Variants in RBFOX1 observed in about 807,000 individuals in gnomAD.
RBFOX1 encodes the protein RNA binding fox-1 homolog 1.
Under a neutral mutation model 57.7 loss-of-function variants are expected in RBFOX1, and 8 were observed. The observed-to-expected ratio is 0.14, with a 90% CI of 0.08 to 0.25. The LOEUF is 0.25. Ranked by LOEUF, RBFOX1 falls within the 10% of genes least tolerant of loss-of-function variation. The pLI, the probability that RBFOX1 is intolerant of heterozygous loss-of-function variation, is 1.00. For missense variants in RBFOX1, 611 were observed against 548.5 expected (o/e 1.11, Z -1.14); for synonymous variants, 326 against 222.4 (o/e 1.47, Z -4.15).
intron 1 of RBFOX1, among the ~76,000 whole-genome samples, chr16:6,042,308 C>T (rs1446426062): frequency 6.6e-6 from 1 of 151,936 alleles, no homozygotes; most frequent in Non-Finnish European, 1.5e-5. Context: ...ACCGTGTTGG[C>T]CAGGATGGTC....
chr16:6,647,538 A>G (rs1360165284), intron 2 of RBFOX1, among the ~76,000 whole-genome samples: 1 of 152,078 alleles, frequency 6.6e-6, no homozygotes, highest in Non-Finnish European at 1.5e-5. Context: ...GTGAGCCACC[A>G]CACCCAGCCA....
chr16:7,513,584 C>G (rs1600543543), intron 4 of RBFOX1, among the ~76,000 whole-genome samples: 2 of 152,126 alleles, frequency 1.3e-5, no homozygotes, highest in East Asian at 3.9e-4. Context: ...CATTCCTGGC[C>G]TCCACCCACT....
At chr16:6,908,456 C>G (rs550680009) in intron 3 of RBFOX1, among the ~76,000 whole-genome samples, 1 of 152,138 alleles carries the variant, frequency 6.6e-6, no homozygotes, top group Non-Finnish European at 1.5e-5. Context: ...GTGACCTCTT[C>G]TAGACTTTCT....
At chr16:5,413,703 A>C (rs530907591) in intron 1 of RBFOX1, among the ~76,000 whole-genome samples, 101 of 152,324 alleles carry the variant, frequency 6.6e-4, no homozygotes, top group African/African-American at 2.1e-3. Context: ...TCAACAATTA[A>C]AGCAAGTCTC....
At chr16:6,696,689 G>T (rs943029128) in intron 3 of RBFOX1, among the ~76,000 whole-genome samples, 1 of 39,724 alleles carries the variant, frequency 2.5e-5, no homozygotes, top group Non-Finnish European at 9.5e-5. Flanking sequence ...ATATCTCAAA[G>T]GAGATTTTTT....
intron 14 of RBFOX1, among the ~76,000 whole-genome samples, chr16:7,699,820 T>C (rs1245145130): frequency 1.3e-5 from 2 of 152,134 alleles, no homozygotes; most frequent in Non-Finnish European, 2.9e-5. Context: ...TTTCTCTCAA[T>C]CCCATTTTAG....
intron 4 of RBFOX1, 79 bp from the exon 5 acceptor site, chr16:7,518,068 C>G: frequency 6.6e-7 from 1 of 1,521,116 alleles, no homozygotes; most frequent in Non-Finnish European, 8.9e-7. Flanking sequence ...CACGATCGTC[C>G]TGGGATCTGG....
chr16:6,846,892 A>C (rs113861738), intron 3 of RBFOX1, among the ~76,000 whole-genome samples: 2,890 of 151,694 alleles, frequency 0.019, 82 homozygotes, highest in African/African-American at 0.066. Flanking sequence ...TACAAAGGGA[A>C]AGACTGCCTC....
At chr16:6,108,440 G>A (rs2096407708) in intron 1 of RBFOX1, among the ~76,000 whole-genome samples, 1 of 152,166 alleles carries the variant, frequency 6.6e-6, no homozygotes, top group Admixed American at 6.5e-5. Flanking sequence ...TTAATGGAGT[G>A]CCTGTCACAC....
intron 3 of RBFOX1, among the ~76,000 whole-genome samples, chr16:5,758,399 G>T (rs563696730): frequency 1.7e-4 from 26 of 152,250 alleles, no homozygotes; most frequent in African/African-American, 5.8e-4. Context: ...CCTAGGTTGG[G>T]CATGAAAAGC....
intron 3 of RBFOX1, among the ~76,000 whole-genome samples, chr16:6,949,337 T>C (rs1238573187): frequency 6.6e-6 from 1 of 152,216 alleles, no homozygotes; most frequent in African/African-American, 2.4e-5. Flanking sequence ...GCTCACCTTT[T>C]GTTCCTTCCC....
chr16:6,241,160 C>T (rs1409037734), intron 1 of RBFOX1, among the ~76,000 whole-genome samples: 6 of 152,322 alleles, frequency 3.9e-5, no homozygotes, highest in Non-Finnish European at 5.9e-5. Context: ...AGCACCCCAA[C>T]GCCCCTGCCA....
chr16:7,251,318 T>A (rs2094491683), intron 4 of RBFOX1, among the ~76,000 whole-genome samples: 1 of 152,128 alleles, frequency 6.6e-6, no homozygotes, highest in South Asian at 2.1e-4. Context: ...TCCTCCAGGT[T>A]CATCCACAGT....
At chr16:6,364,812 G>T (rs1049041012) in intron 2 of RBFOX1, among the ~76,000 whole-genome samples, 2 of 152,218 alleles carry the variant, frequency 1.3e-5, no homozygotes, top group Admixed American at 1.3e-4. Flanking sequence ...CCCTCTGCCT[G>T]GTTGGCTGAC....
At chr16:7,572,843 G>GAATGAATGAATAAATAAATAAATAAATA (rs71394322) in intron 5 of RBFOX1, among the ~76,000 whole-genome samples, 4 of 146,664 alleles carry the variant, frequency 2.7e-5, no homozygotes, top group African/African-American at 7.5e-5. Context: ...TCTCTCAAAT[G>GAATGAATGAATAAATAAATAAATAAATA]AATAAATAAA....
At position 5,693,771 on chromosome 16, in the gene RBFOX1, A is replaced by G. The variant is rs187498491; in HGVS notation, c.318+94810A>G. Among the ~76,000 whole-genome samples, 113 of 152,250 alleles carry G rather than the reference A, an allele frequency of 7.4e-4. 1 individual carries two copies. Among genetic ancestry groups the G allele is most frequent in the African/African-American group, 2.6e-3 (107 of 41,546 alleles). On this transcript the variant is annotated intron_variant, in intron 3 of 19. Transcript: ENST00000641259. ...CCTGGCTATGATTCTTTTTGCGTGGAATTCCTTCCTCTCCCTTCTTATAAG... is the reference window on the plus strand; with the variant it reads ...CCTGGCTATGATTCTTTTTGCGTGGGATTCCTTCCTCTCCCTTCTTATAAG...
intron 4 of RBFOX1, among the ~76,000 whole-genome samples, chr16:7,282,966 G>C (rs1236481625): frequency 6.6e-6 from 1 of 152,174 alleles, no homozygotes; most frequent in Non-Finnish European, 1.5e-5. Flanking sequence ...GTGTATCTGT[G>C]TGTGTGTATC....
intron 2 of RBFOX1, among the ~76,000 whole-genome samples, chr16:5,569,175 C>T (rs73526339): frequency 7.9e-5 from 12 of 152,156 alleles, no homozygotes; most frequent in East Asian, 3.9e-4. Context: ...TGTGTCTTCA[C>T]GTGGGGTGGA....
intron 1 of RBFOX1, among the ~76,000 whole-genome samples, chr16:6,239,381 T>C (rs776075334): frequency 1.6e-4 from 25 of 151,722 alleles, no homozygotes; most frequent in Non-Finnish European, 7.4e-5. Flanking sequence ...ATGCTTGTCA[T>C]ATGAATGAAA....
Sources: gnomAD v4.1 joint callset for allele counts (sites outside exome capture counted in the v4.1 genomes callset) on GRCh38, gnomAD v4.1.1 for gene constraint, MANE v1.5 for transcripts, NCBI Gene and HGNC (gene_info 2026-07-23, HGNC 2026-07-21) for gene names.